Variants in PRKN observed in about 807,000 individuals in gnomAD.
PRKN encodes the protein E3 ubiquitin-protein ligase parkin.
A neutral mutation model predicts 59.5 loss-of-function variants in PRKN; 56 were observed. The observed-to-expected ratio is 0.94, with a 90% CI of 0.76 to 1.18. PRKN has a LOEUF of 1.18. Among genes scored for constraint, PRKN ranks in the 50% most tolerant of loss-of-function variants. The pLI is 0.00. For synonymous variants in PRKN, 250 were observed against 222.1 expected (o/e 1.13, Z -1.12); for missense variants, 657 against 596.4 (o/e 1.10, Z -1.06).
chr6:161,601,794 G>A (rs1782116571), intron 7 of PRKN, among the ~76,000 whole-genome samples: 1 of 152,104 alleles, frequency 6.6e-6, no homozygotes, highest in African/African-American at 2.4e-5. Flanking sequence ...GTGTTAGCCA[G>A]GATGGTCTGG....
chr6:161,769,810 C>G (rs1034499150), intron 7 of PRKN, among the ~76,000 whole-genome samples: 1 of 152,054 alleles, frequency 6.6e-6, no homozygotes, highest in Non-Finnish European at 1.5e-5. Context: ...GATACAAATG[C>G]CCCTCAGAAG....
intron 1 of PRKN, among the ~76,000 whole-genome samples, chr6:162,495,400 A>G (rs563617700): frequency 3.3e-5 from 5 of 152,112 alleles, no homozygotes; most frequent in East Asian, 1.9e-4. Context: ...ATATTTTGAA[A>G]TGGTATTAAG....
At chr6:162,076,478 T>C (rs1472502901) in intron 4 of PRKN, among the ~76,000 whole-genome samples, 1 of 152,134 alleles carries the variant, frequency 6.6e-6, no homozygotes, top group Non-Finnish European at 1.5e-5. Context: ...GCCTCTTTCT[T>C]GTTTCCTCTC....
chr6:162,268,371 C>A (rs1346104025), intron 2 of PRKN, among the ~76,000 whole-genome samples: 1 of 152,148 alleles, frequency 6.6e-6, no homozygotes, highest in African/African-American at 2.4e-5. Flanking sequence ...TTTAGCTCTT[C>A]CCCTCTTCCA....
intron 3 of PRKN, among the ~76,000 whole-genome samples, chr6:162,221,476 G>A (rs1031012531): frequency 6.6e-6 from 1 of 152,146 alleles, no homozygotes; most frequent in African/African-American, 2.4e-5. Flanking sequence ...CTTCAAATAA[G>A]CATGCTTTAT....
At chr6:162,295,121 C>A (rs917218178) in intron 2 of PRKN, among the ~76,000 whole-genome samples, 1 of 152,184 alleles carries the variant, frequency 6.6e-6, no homozygotes, top group Non-Finnish European at 1.5e-5. Flanking sequence ...GCGGCATGCA[C>A]GCAGCCTCCC....
chr6:161,587,326 G>T lies in PRKN; in HGVS notation c.872-17910C>A, dbSNP rs142226302. Among the ~76,000 whole-genome samples, 137 of 152,248 alleles carry T rather than the reference G, an allele frequency of 9.0e-4. 1 individual carries two copies. In the East Asian group the frequency reaches 0.02, roughly 22 times the overall value. ...TGTGTTTAAAAGCTATAAAGAAGAC[G>T]CAATGAAAATACAATAGATCAATTC... On this transcript the variant is annotated intron_variant, in intron 7 of 11. Coordinates refer to ENST00000366898, the MANE Select transcript of PRKN (RefSeq NM_004562.3).
At chr6:162,679,760 T>C (rs1779699050) in intron 1 of PRKN, among the ~76,000 whole-genome samples, 2 of 152,160 alleles carry the variant, frequency 1.3e-5, no homozygotes, top group African/African-American at 4.8e-5. Context: ...TACTTCAGTA[T>C]CAATACCAAG....
intron 2 of PRKN, among the ~76,000 whole-genome samples, chr6:162,288,246 C>A (rs758842815): frequency 6.6e-6 from 1 of 152,128 alleles, no homozygotes; most frequent in Non-Finnish European, 1.5e-5. Flanking sequence ...GGAAAAACAT[C>A]CATTCTGGTT....
chr6:162,431,724 A>G (rs1233138178), intron 2 of PRKN, among the ~76,000 whole-genome samples: 1 of 152,202 alleles, frequency 6.6e-6, no homozygotes, highest in African/African-American at 2.4e-5. Context: ...ATCATTTTGA[A>G]TAAGAGATGG....
chr6:161,897,925 C>G (rs1381012822), intron 6 of PRKN, among the ~76,000 whole-genome samples: 1 of 116,856 alleles, frequency 8.6e-6, no homozygotes, highest in Non-Finnish European at 1.6e-5. Flanking sequence ...TGAGATCGCG[C>G]CACTGCACTC....
At chr6:161,752,324 C>T (rs1043693417) in intron 7 of PRKN, among the ~76,000 whole-genome samples, 3 of 151,976 alleles carry the variant, frequency 2.0e-5, no homozygotes, top group Admixed American at 6.6e-5. Context: ...GCCGAGATCG[C>T]GCCACTGCAC....
rs71709903 is a variant in PRKN at position 161,774,382 on chromosome 6, G to GCGCACACACACACA, written c.871+11389_871+11390insTGTGTGTGTGTGCG. On this transcript the variant is annotated intron_variant, in intron 7 of 11. Transcript: ENST00000366898. ...CTCCCCCATCCTTTCTACTCCCTGA[G>GCGCACACACACACA]CACACACACACACACACACACACAC... 4.6e-5 allele frequency among the ~76,000 whole-genome samples: 6 copies of GCGCACACACACACA among 130,934 alleles called. 1 individual carries two copies. Among genetic ancestry groups the GCGCACACACACACA allele is most frequent in the Non-Finnish European group, 8.1e-5 (5 of 61,642 alleles). 85.9% of individuals were successfully genotyped at this position (130,934 alleles called of 152,430 possible).
intron 7 of PRKN, among the ~76,000 whole-genome samples, chr6:161,640,374 T>A (rs79173947): frequency 0.017 from 2,637 of 152,290 alleles, 65 homozygotes; most frequent in African/African-American, 0.061. Context: ...TTTAGTTTTA[T>A]GTGGTCTGGA....
Position 161,379,093 on chromosome 6 carries a change from C to G in PRKN, c.1167+7701G>C, listed in dbSNP as rs576662136. On this transcript the variant is annotated intron_variant, in intron 10 of 11. Coordinates refer to ENST00000366898, the MANE Select transcript of PRKN (RefSeq NM_004562.3). This position sits in a 1 kb window ranked among gnomAD's most constrained non-coding sequence, Gnocchi z 4.9. ...AACTGACTCTCAGGAGCAGGCAGGG[C>G]TGCAGTTATAGAATGGGGTATTTAA... Among the ~76,000 whole-genome samples the G allele has an allele frequency of 1.3e-5, 2 of 152,252 alleles. No homozygotes were observed. Among genetic ancestry groups the G allele is most frequent in the South Asian group, 4.1e-4 (2 of 4,826 alleles).
rs1782424973 is a variant in PRKN at position 162,010,002 on chromosome 6, T to C, written c.619-36585A>G. 2.6e-5 allele frequency among the ~76,000 whole-genome samples: 4 copies of C among 151,352 alleles called. No individual in the cohort carries two copies. The South Asian group carries it at 8.3e-4, about 31-fold the overall frequency. ...GTAAAAGTTGTTTATAACTTCAACA[T>C]CTGCATGCTAACTTCACCTACGCTT... On this transcript the variant is annotated intron_variant, in intron 5 of 11. Coordinates refer to ENST00000366898, the MANE Select transcript of PRKN (RefSeq NM_004562.3).
chr6:162,572,872 A>C lies in PRKN; in HGVS notation c.8-129399T>G, dbSNP rs527875622. Among the ~76,000 whole-genome samples the C allele has an allele frequency of 1.4e-4, 20 of 143,898 alleles. No individual in the cohort carries two copies. The South Asian group carries it at 4.7e-3, about 34-fold the overall frequency. 94.4% of individuals were successfully genotyped at this position (143,898 alleles called of 152,430 possible). On this transcript the variant is annotated intron_variant, in intron 1 of 11. Coordinates refer to ENST00000366898, the MANE Select transcript of PRKN (RefSeq NM_004562.3). ...TCTGCGTAACCTAAAAACAAACAAAACCCCCTGGGGCTCTTCCCTTTGCTC... is the reference window on the plus strand; with the variant it reads ...TCTGCGTAACCTAAAAACAAACAAACCCCCCTGGGGCTCTTCCCTTTGCTC...
chr6:162,020,332 C>CAAAAAAAAAAAAAAAAAAAAAAAAAAA (rs771141235), intron 5 of PRKN, among the ~76,000 whole-genome samples: 1 of 45,446 alleles, frequency 2.2e-5, no homozygotes, highest in Non-Finnish European at 4.6e-5. Context: ...ACCAATGAAT[C>CAAAAAAAAAAAAAAAAAAAAAAAAAAA]AAAAAAAAAA....
In PRKN at chr6:161,668,165, A is replaced by C. The variant is rs528628492; in HGVS notation, c.872-98749T>G. ...AATCTGGTAGTATATGCTGACACTT[A>C]CTAAAATGTAACAATATGATTCTAT... On this transcript the variant is annotated intron_variant, in intron 7 of 11. Coordinates refer to ENST00000366898, the MANE Select transcript of PRKN (RefSeq NM_004562.3). 5.3e-5 allele frequency among the ~76,000 whole-genome samples: 8 copies of C among 152,160 alleles called. No homozygotes were observed. The South Asian group carries it at 1.7e-3, about 32-fold the overall frequency.
Sources: allele counts gnomAD v4.1 joint callset (sites outside exome capture counted in the v4.1 genomes callset), GRCh38; gene constraint gnomAD v4.1.1; non-coding constraint Gnocchi (gnomAD v3.1); transcripts MANE v1.5; gene names NCBI Gene and HGNC (gene_info 2026-07-23, HGNC 2026-07-21).